Variants in ROBO2 observed in about 807,000 individuals in gnomAD.
ROBO2 encodes roundabout guidance receptor 2.
Under a neutral mutation model 160.8 loss-of-function variants are expected in ROBO2, and 53 were observed. That is an observed-to-expected ratio of 0.33 (90% CI 0.26 to 0.41). The LOEUF is 0.41. Ranked by LOEUF, ROBO2 falls within the 10% of genes least tolerant of loss-of-function variation. The pLI, the probability that ROBO2 is intolerant of heterozygous loss-of-function variation, is 1.00. For synonymous variants in ROBO2, 664 were observed against 611.7 expected (o/e 1.09, Z -1.26); for missense variants, 1,577 against 1,722.4 (o/e 0.92, Z 1.49).
At chr3:76,508,781 A>G (rs2080927917) in intron 2 of ROBO2, among the ~76,000 whole-genome samples, 1 of 152,190 alleles carries the variant, frequency 6.6e-6, no homozygotes, top group Admixed American at 6.5e-5. Flanking sequence ...TTATAAGACA[A>G]AGCATCTCAG....
chr3:76,395,686 A>T (rs548411599), intron 2 of ROBO2, among the ~76,000 whole-genome samples: 160 of 152,318 alleles, frequency 1.1e-3, no homozygotes, highest in African/African-American at 3.7e-3. Flanking sequence ...AGAGAATACT[A>T]TAAACACCTC....
chr3:77,459,501 G>A (rs1406526082), intron 2 of ROBO2, among the ~76,000 whole-genome samples: 1 of 152,168 alleles, frequency 6.6e-6, no homozygotes, highest in African/African-American at 2.4e-5. Flanking sequence ...AATGAACTTG[G>A]TTCCTGCCTT....
intron 2 of ROBO2, among the ~76,000 whole-genome samples, chr3:77,252,831 A>AAAAAATATATAT: frequency 5.6e-4 from 7 of 12,516 alleles, no homozygotes; most frequent in African/African-American, 1.1e-3. Context: ...AAAAAAAAAA[A>AAAAAATATATAT]ATATATATAT....
At chr3:76,409,404 C>CT (rs2108819826) in intron 2 of ROBO2, among the ~76,000 whole-genome samples, 1 of 152,194 alleles carries the variant, frequency 6.6e-6, no homozygotes, top group South Asian at 2.1e-4. Context: ...CTACTCATTA[C>CT]TAGCCTTTTC....
rs866241220 is a variant in ROBO2 at position 76,328,541 on chromosome 3, A to G, written c.109+390939A>G. 2.6e-5 allele frequency among the ~76,000 whole-genome samples: 4 copies of G among 152,108 alleles called. No homozygotes were observed. In the South Asian group the frequency reaches 8.3e-4, roughly 32 times the overall value. On this transcript the variant is annotated intron_variant, in intron 2 of 26. Coordinates refer to the ROBO2 transcript ENST00000487694. ...GGAGATCGAGACCATCCTGGCTAACACGGTGAAACCCCATCTCTACTAAAC... is the reference window on the plus strand; with the variant it reads ...GGAGATCGAGACCATCCTGGCTAACGCGGTGAAACCCCATCTCTACTAAAC...
intron 2 of ROBO2, among the ~76,000 whole-genome samples, chr3:75,949,855 C>T (rs530135229): frequency 2.8e-4 from 42 of 152,140 alleles, no homozygotes; most frequent in African/African-American, 9.9e-4. Flanking sequence ...GACTTTAATT[C>T]GTTATCTGAA....
chr3:77,372,400 A>T (rs1404046158), intron 2 of ROBO2, among the ~76,000 whole-genome samples: 2 of 150,632 alleles, frequency 1.3e-5, no homozygotes, highest in African/African-American at 4.8e-5. Flanking sequence ...CTCTCCAAAT[A>T]TTATATTTTT....
chr3:76,105,340 A>C (rs1458260799), intron 2 of ROBO2, among the ~76,000 whole-genome samples: 3 of 152,182 alleles, frequency 2.0e-5, no homozygotes, highest in African/African-American at 7.2e-5. Context: ...TATTTTCAAG[A>C]ATAATATAAC....
chr3:77,228,733 T>C (rs2086798362), intron 2 of ROBO2, among the ~76,000 whole-genome samples: 2 of 151,294 alleles, frequency 1.3e-5, no homozygotes, highest in East Asian at 1.9e-4. Context: ...AACTTAAGTA[T>C]AATAATAAAA....
chr3:76,226,234 C>T (rs965486539), intron 2 of ROBO2, among the ~76,000 whole-genome samples: 5 of 152,118 alleles, frequency 3.3e-5, no homozygotes, highest in African/African-American at 1.2e-4. Context: ...AGTGTCATAA[C>T]ATTAAGGATA....
intron 2 of ROBO2, among the ~76,000 whole-genome samples, chr3:76,461,198 C>T (rs890847169): frequency 6.6e-6 from 1 of 152,050 alleles, no homozygotes; most frequent in Non-Finnish European, 1.5e-5. Context: ...TGTCACATGG[C>T]CTGAGTGGAG....
chr3:76,272,933 TATAA>T (rs1707627532), intron 2 of ROBO2, among the ~76,000 whole-genome samples: 1 of 20,676 alleles, frequency 4.8e-5, no homozygotes, highest in African/African-American at 9.6e-5. Context: ...TATATTTATA[TATAA>T]ATATATAAAA....
intron 2 of ROBO2, among the ~76,000 whole-genome samples, chr3:76,768,802 A>G (rs1242775566): frequency 6.6e-6 from 1 of 151,354 alleles, no homozygotes; most frequent in African/African-American, 2.4e-5. Flanking sequence ...AAATGATTTC[A>G]GTGCATAGTG....
At chr3:77,316,916 G>A in intron 2 of ROBO2, 2 of 1,199,606 alleles carry the variant, frequency 1.7e-6, no homozygotes, top group Non-Finnish European at 2.5e-6. Context: ...AAGCAGGCAT[G>A]AGGGTCAGTC....
At chr3:77,576,966 T>C (rs992637235) in intron 14 of ROBO2, among the ~76,000 whole-genome samples, 3 of 152,122 alleles carry the variant, frequency 2.0e-5, no homozygotes, top group Admixed American at 6.6e-5. Context: ...CGTTCAGAAA[T>C]AACATGTGAT....
intron 2 of ROBO2, among the ~76,000 whole-genome samples, chr3:76,660,310 T>G (rs757561459): frequency 2.0e-5 from 3 of 152,126 alleles, no homozygotes; most frequent in Non-Finnish European, 4.4e-5. Context: ...CCACAGATAG[T>G]TTGAGAGGCA....
chr3:77,510,868 T>G (rs1009402251), intron 5 of ROBO2, among the ~76,000 whole-genome samples: 1 of 152,116 alleles, frequency 6.6e-6, no homozygotes, highest in Admixed American at 6.6e-5. Flanking sequence ...GTTGGAGGCG[T>G]GGTCTTCATT....
intron 2 of ROBO2, among the ~76,000 whole-genome samples, chr3:76,078,200 T>A (rs184642264): frequency 7.2e-5 from 11 of 152,302 alleles, no homozygotes; most frequent in African/African-American, 2.6e-4. Flanking sequence ...TCATATTTTT[T>A]GTTAATGTTT....
intron 2 of ROBO2, among the ~76,000 whole-genome samples, chr3:76,440,697 T>C (rs7612860): frequency 0.49 from 75,024 of 151,836 alleles, 18,790 homozygotes; most frequent in African/African-American, 0.57. Context: ...GGCCTGCTCC[T>C]GGAATCACTA....
Sources: allele counts gnomAD v4.1 joint callset (sites outside exome capture counted in the v4.1 genomes callset), GRCh38; gene constraint gnomAD v4.1.1; transcripts MANE v1.5; gene names NCBI Gene and HGNC (gene_info 2026-07-23, HGNC 2026-07-21).